DLGAP2: variants seen among roughly 807,000 people sequenced by gnomAD.
DLGAP2 encodes disks large-associated protein 2.
In DLGAP2, 26 loss-of-function variants were observed where a neutral mutation model predicts 100.3. The ratio of observed to expected loss-of-function variants is 0.26; its 90% CI spans 0.19 to 0.36. The LOEUF is 0.36. Among genes scored for constraint, DLGAP2 ranks in the 10% least tolerant of loss-of-function variants. The pLI is 1.00. For synonymous variants in DLGAP2, 886 were observed against 630.1 expected, an observed-to-expected ratio of 1.41 and a Z score of -6.08; for missense variants, 1,858 against 1,453.2, an observed-to-expected ratio of 1.28 and a Z score of -4.53.
chr8:1,061,910 A>T (rs1803096035), intron 2 of DLGAP2, among the ~76,000 whole-genome samples: 1 of 151,354 alleles, frequency 6.6e-6, no homozygotes, highest in Non-Finnish European at 1.5e-5. Context: ...TCTTATAAAG[A>T]CCCATGTCGT....
intron 3 of DLGAP2, among the ~76,000 whole-genome samples, chr8:1,283,736 C>T (rs780857767): frequency 7.2e-5 from 11 of 152,142 alleles, no homozygotes; most frequent in Admixed American, 5.9e-4. Context: ...TTCTGGGATA[C>T]AATCCATAAA....
chr8:947,215 G>C (rs907398251), intron 2 of DLGAP2, among the ~76,000 whole-genome samples: 1 of 152,178 alleles, frequency 6.6e-6, no homozygotes, highest in African/African-American at 2.4e-5. Context: ...CCGGGGAGCT[G>C]CATCTGCAGG....
intron 2 of DLGAP2, among the ~76,000 whole-genome samples, chr8:1,020,120 T>C (rs1801586891): frequency 6.6e-6 from 1 of 152,228 alleles, no homozygotes; most frequent in Non-Finnish European, 1.5e-5. Flanking sequence ...AAATAAATCA[T>C]ACAATTATTC....
intron 1 of DLGAP2, among the ~76,000 whole-genome samples, chr8:783,700 C>G (rs1003469294): frequency 2.0e-5 from 3 of 152,160 alleles, no homozygotes; most frequent in African/African-American, 7.2e-5. Flanking sequence ...CTACTGTGTT[C>G]TCAAACTCAC....
intron 3 of DLGAP2, among the ~76,000 whole-genome samples, chr8:1,483,559 G>A (rs112848061): frequency 1.4e-5 from 2 of 147,030 alleles, no homozygotes; most frequent in Admixed American, 6.6e-5. Flanking sequence ...GGACCTGAGG[G>A]CGTCTACACA....
chr8:1,074,885 T>G (rs1438539305), intron 2 of DLGAP2, among the ~76,000 whole-genome samples: 1 of 152,204 alleles, frequency 6.6e-6, no homozygotes, highest in Non-Finnish European at 1.5e-5. Context: ...AGCAGGGTCC[T>G]GCATGGGGTC....
Position 1,078,068 on chromosome 8 carries a change from G to A in DLGAP2, c.73+170102G>A, listed in dbSNP as rs149133894. ...CTTAAATCCCACCGGGACCCGGTGA[G>A]GGTTACCTTCTGTCCCTGGTTTTCC... is the stretch of plus-strand genomic sequence containing the variant. On this transcript the variant is annotated intron_variant, in intron 2 of 14. Coordinates refer to ENST00000637795, the MANE Select transcript of DLGAP2 (RefSeq NM_001346810.2). Among the ~76,000 whole-genome samples, 925 of 152,260 alleles carry A rather than the reference G, an allele frequency of 6.1e-3. 8 individuals carry two copies. The highest frequency in any genetic ancestry group is 0.021 in the African/African-American group (885 of 41,558).
chr8:1,515,701 C>G (rs1026984239), intron 4 of DLGAP2, among the ~76,000 whole-genome samples: 2 of 152,166 alleles, frequency 1.3e-5, no homozygotes, highest in African/African-American at 2.4e-5. Context: ...CACAAATATG[C>G]AGACACACAA....
At chr8:1,417,103 G>A (rs1404430691) in intron 3 of DLGAP2, among the ~76,000 whole-genome samples, 1 of 149,168 alleles carries the variant, frequency 6.7e-6, no homozygotes, top group South Asian at 2.2e-4. Context: ...ATGGGGGGGT[G>A]GGGGGGAGAC....
intron 2 of DLGAP2, among the ~76,000 whole-genome samples, chr8:1,089,308 C>T (rs953363826): frequency 1.3e-5 from 2 of 152,236 alleles, no homozygotes; most frequent in African/African-American, 4.8e-5. Context: ...TATATGTCGG[C>T]CTGAGTGGCA....
At chr8:1,344,924 G>GT (rs1801520277) in intron 3 of DLGAP2, among the ~76,000 whole-genome samples, 1 of 152,194 alleles carries the variant, frequency 6.6e-6, no homozygotes, top group Non-Finnish European at 1.5e-5. Context: ...AAAGGACAGG[G>GT]TCTTGGTGAA....
intron 1 of DLGAP2, among the ~76,000 whole-genome samples, chr8:779,175 G>C (rs1439999825): frequency 1.3e-5 from 2 of 152,238 alleles, no homozygotes; most frequent in African/African-American, 4.8e-5. Context: ...TCCCGAGTGA[G>C]GCAATGCCTC....
At chr8:1,482,898 CGAG>C (rs1799134411) in intron 3 of DLGAP2, among the ~76,000 whole-genome samples, 1 of 152,252 alleles carries the variant, frequency 6.6e-6, no homozygotes, top group Non-Finnish European at 1.5e-5. Context: ...AAGACACGAG[CGAG>C]GACAGGGACC....
chr8:962,117 G>A (rs572199277), intron 2 of DLGAP2, among the ~76,000 whole-genome samples: 4 of 152,274 alleles, frequency 2.6e-5, no homozygotes, highest in South Asian at 4.1e-4. Context: ...TATCATAGTC[G>A]TCATCATACT....
At chr8:1,073,701 T>C (rs988561123) in intron 2 of DLGAP2, among the ~76,000 whole-genome samples, 3 of 152,206 alleles carry the variant, frequency 2.0e-5, no homozygotes, top group African/African-American at 2.4e-5. Context: ...GAACTTGAAT[T>C]TGGCCAGTGC....
At chr8:1,131,084 T>G (rs932589042) in intron 2 of DLGAP2, among the ~76,000 whole-genome samples, 16 of 152,184 alleles carry the variant, frequency 1.1e-4, no homozygotes, top group African/African-American at 3.4e-4. Flanking sequence ...TGTTTGTTTT[T>G]TAATGTTTTG....
chr8:1,446,358 C>T, intron 3 of DLGAP2, among the ~76,000 whole-genome samples: 1 of 152,064 alleles, frequency 6.6e-6, no homozygotes, highest in African/African-American at 2.4e-5. Context: ...AATCCTTTCC[C>T]CATTGCTTAT....
intron 3 of DLGAP2, among the ~76,000 whole-genome samples, chr8:1,351,068 G>C (rs1585288399): frequency 2.7e-5 from 1 of 36,620 alleles, no homozygotes; most frequent in Non-Finnish European, 4.6e-5. Flanking sequence ...CAGATCCTGA[G>C]TGTGTGTGGA....
At chr8:1,088,565 T>C (rs553841713) in intron 2 of DLGAP2, among the ~76,000 whole-genome samples, 2 of 152,258 alleles carry the variant, frequency 1.3e-5, no homozygotes, top group South Asian at 4.1e-4. Flanking sequence ...TCAGAGATTG[T>C]AGGAAATTTA....
Sources: gnomAD v4.1 joint callset for allele counts (sites outside exome capture counted in the v4.1 genomes callset) on GRCh38, gnomAD v4.1.1 for gene constraint, MANE v1.5 for transcripts, NCBI Gene and HGNC (gene_info 2026-07-23, HGNC 2026-07-21) for gene names.